ATXN3: variants seen among roughly 807,000 people sequenced by gnomAD.
The protein encoded by ATXN3 is ataxin 3, also known as ataxin-3.
Under a neutral mutation model 58.2 loss-of-function variants are expected in ATXN3, and 28 were observed. That is an observed-to-expected ratio of 0.48 (90% confidence interval 0.36 to 0.66). The LOEUF is 0.66. ATXN3 is among the 30% of genes least tolerant of loss of function. ATXN3 has a pLI of 0.00. For missense variants in ATXN3, 321 were observed against 422.1 expected (o/e 0.76, Z 2.10); for synonymous variants, 113 against 138.5 (o/e 0.82, Z 1.29).
intron 10 of ATXN3, among the ~76,000 whole-genome samples, chr14:92,065,114 A>C (rs7143616): frequency 0.28 from 43,155 of 151,994 alleles, 6,495 homozygotes; most frequent in African/African-American, 0.39. Context: ...CCACCCACCT[A>C]TCTTTTACCC....
intron 10 of ATXN3, 146 bp from the exon 11 acceptor site, chr14:92,064,560 A>G (rs1435002073): frequency 1.6e-6 from 1 of 610,972 alleles, no homozygotes; most frequent in Non-Finnish European, 2.9e-6. Context: ...TTACTTTTAT[A>G]GTTCTATATA....
chr14:92,065,093 G>C lies in ATXN3; in HGVS notation c.992-679C>G, dbSNP rs1162592738. Among the ~76,000 whole-genome samples, 3 of 152,148 alleles carry C rather than the reference G, an allele frequency of 2.0e-5. No homozygotes were observed. In the South Asian group the frequency reaches 6.2e-4, roughly 32 times the overall value. ...ATACCACAAAGATCTCCCTGCTATC[G>C]ATTTATATTCCCACCCACCTATCTT... On this transcript the variant is annotated intron_variant, in intron 10 of 10. Coordinates refer to ENST00000644486, the MANE Select transcript of ATXN3 (RefSeq NM_004993.6).
At chr14:92,053,650 C>T (rs1288320195), downstream of ATXN3, among the ~76,000 whole-genome samples, 1 of 151,922 alleles carries the variant, frequency 6.6e-6, no homozygotes, top group Non-Finnish European at 1.5e-5. Context: ...GTGCATGCCA[C>T]CATACCCAAC....
intron 1 of ATXN3, among the ~76,000 whole-genome samples, chr14:92,100,695 A>G (rs1024532559): frequency 1.3e-5 from 2 of 152,192 alleles, no homozygotes; most frequent in African/African-American, 4.8e-5. Flanking sequence ...GTCAGAATTC[A>G]GCATAGTGGT....
In ATXN3 at chr14:92,096,818, A is replaced by G. The variant is rs753009580; in HGVS notation, c.45T>C (p.Ala15=). ...FHEKQEGSLC[A]QHCLNNLLQG... ...GCAATAAGTTATTCAGGCAATGTTG[A>G]GCACAAAGTGAGCCTTCTTGCTAAT... is the stretch of plus-strand genomic sequence containing the variant. Residue 15 remains alanine (A), a synonymous_variant, in exon 2 of 11, where the codon GCT becomes GCC. Transcript: ENST00000644486. The G allele has an allele frequency of 6.2e-6, 10 of 1,613,470 alleles. No individual in the cohort carries two copies. The highest frequency in any genetic ancestry group is 8.5e-6 in the Non-Finnish European group (10 of 1,179,800).
At chr14:92,088,915 G>C in intron 5 of ATXN3, 98 bp from the exon 6 acceptor site, 1 of 690,538 alleles carries the variant, frequency 1.4e-6, no homozygotes, top group Non-Finnish European at 2.5e-6. Context: ...AGCTTAGTAA[G>C]ATTGTTTAAA....
intron 9 of ATXN3, chr14:92,073,553 C>A (rs376647564): frequency 6.6e-6 from 1 of 151,372 alleles, no homozygotes; most frequent in East Asian, 1.9e-4. Flanking sequence ...AAAATACAAA[C>A]CTTGTCTGGG....
chr14:92,069,371 C>CTTTTT (rs34755730), intron 10 of ATXN3, among the ~76,000 whole-genome samples: 4 of 92,570 alleles, frequency 4.3e-5, no homozygotes, highest in African/African-American at 1.4e-4. Context: ...GTGTCCAGCC[C>CTTTTT]TTTTTTTTTT....
chr14:92,102,296 A>T (rs747056916), intron 1 of ATXN3, among the ~76,000 whole-genome samples: 10 of 140,798 alleles, frequency 7.1e-5, no homozygotes, highest in Non-Finnish European at 9.4e-5. Flanking sequence ...GGGAATAAAT[A>T]AATTAAAAAC....
downstream of ATXN3, among the ~76,000 whole-genome samples, chr14:92,055,038 C>A (rs899136347): frequency 1.3e-5 from 2 of 152,164 alleles, no homozygotes; most frequent in African/African-American, 4.8e-5. The surrounding 1 kb of genome is among the most constrained non-coding windows in gnomAD (Gnocchi z 4.5). Context: ...TACGCCACCA[C>A]ACCCGGCTAA....
chr14:92,080,284 C>T (rs976451086), intron 9 of ATXN3, among the ~76,000 whole-genome samples: 18 of 152,090 alleles, frequency 1.2e-4, no homozygotes, highest in African/African-American at 1.9e-4. Flanking sequence ...TTTGGGAATG[C>T]GCTCCCATAC....
intron 9 of ATXN3, 177 bp from the exon 10 acceptor site, chr14:92,071,230 T>C: frequency 2.0e-6 from 2 of 1,008,244 alleles, no homozygotes; most frequent in Non-Finnish European, 3.0e-6. Context: ...ATGGAAGTGC[T>C]GATCTTAGGA....
In ATXN3 at chr14:92,061,804, A is replaced by G. The variant is rs577684465; in HGVS notation, c.*2516T>C. The G allele has an allele frequency of 6.6e-6, 1 of 152,360 alleles. No homozygotes were observed. Among genetic ancestry groups the G allele is most frequent in the Admixed American group, 6.5e-5 (1 of 15,300 alleles). The allele number at this position is 152,360 out of a possible 1,614,324, so 9.4% of individuals were successfully genotyped here. A position where few individuals can be genotyped will look rare whatever the true frequency, so the allele number is the denominator to read the frequency against. Reference sequence around the variant, plus strand: ...ATCTTTTCATACTGGCCAATCAATTAAGAAATGGAATCTAAACAGTCAATT... The same window carrying G: ...ATCTTTTCATACTGGCCAATCAATTGAGAAATGGAATCTAAACAGTCAATT... On this transcript the variant is annotated 3_prime_UTR_variant, in exon 11 of 11. Coordinates refer to ENST00000644486, the MANE Select transcript of ATXN3 (RefSeq NM_004993.6).
chr14:92,084,189 T>C (rs1472958808), intron 6 of ATXN3, among the ~76,000 whole-genome samples: 1 of 152,208 alleles, frequency 6.6e-6, no homozygotes, highest in African/African-American at 2.4e-5. Flanking sequence ...TTACCCTTCA[T>C]ATATACATCT....
rs1430803193 is a variant in ATXN3 at position 92,060,260 on chromosome 14, A to G, written c.*4060T>C. 2 of 114,558 alleles carry G rather than the reference A, an allele frequency of 1.7e-5. No individual in the cohort carries two copies. Among genetic ancestry groups the G allele is most frequent in the Non-Finnish European group, 3.7e-5 (2 of 54,116 alleles). 7.1% of individuals were successfully genotyped at this position (114,558 alleles called of 1,614,324 possible). On this transcript the variant is annotated 3_prime_UTR_variant, in exon 11 of 11. Coordinates refer to ENST00000644486, the MANE Select transcript of ATXN3 (RefSeq NM_004993.6). The stretch of plus-strand genomic sequence containing the variant: ...TATATATATACACACATATATATAT[A>G]TATATATATATTTTTTTTTTTCAGA...
intron 9 of ATXN3, among the ~76,000 whole-genome samples, chr14:92,074,784 C>G (rs2060051927): frequency 6.6e-6 from 1 of 152,196 alleles, no homozygotes; most frequent in African/African-American, 2.4e-5. Flanking sequence ...AAGTATTAGG[C>G]AATCAAACAC....
downstream of ATXN3, among the ~76,000 whole-genome samples, chr14:92,055,755 G>A (rs1045490151): frequency 3.3e-5 from 5 of 152,236 alleles, no homozygotes; most frequent in Admixed American, 1.3e-4. The surrounding 1 kb of genome is among the most constrained non-coding windows in gnomAD (Gnocchi z 4.5). Context: ...GAGCTCAGAA[G>A]TTCTAGACCA....
Position 92,079,185 on chromosome 14 carries a change from CAAAAAA to C in ATXN3, c.872+1774_872+1779del, listed in dbSNP as rs35515547. ...TGGGCAACAGAGCAAGACTCCATCTCAAAAAAAAAAAAAAAAAAAAGCAAGATTGGC... is the reference window on the plus strand; with the variant it reads ...TGGGCAACAGAGCAAGACTCCATCTCAAAAAAAAAAAAAAGCAAGATTGGC... On this transcript the variant is annotated intron_variant, in intron 9 of 10. Coordinates refer to ENST00000644486, the MANE Select transcript of ATXN3 (RefSeq NM_004993.6). Among the ~76,000 whole-genome samples the C allele has an allele frequency of 1.2e-4, 9 of 77,044 alleles. No individual in the cohort carries two copies. The South Asian group carries it at 4.0e-3, about 34-fold the overall frequency. 50.5% of individuals were successfully genotyped at this position (77,044 alleles called of 152,430 possible).
In ATXN3 at chr14:92,093,247, G is replaced by A. The variant is rs779769299; in HGVS notation, c.387+5C>T. The A allele has an allele frequency of 6.7e-7, 1 of 1,487,450 alleles. No individual in the cohort carries two copies. Among genetic ancestry groups the A allele is most frequent in the Non-Finnish European group, 9.3e-7 (1 of 1,076,870 alleles). The allele number at this position is 1,487,450 out of a possible 1,614,324, so 92.1% of individuals were successfully genotyped here. A position where few individuals can be genotyped will look rare whatever the true frequency, so the allele number is the denominator to read the frequency against. On this transcript the variant is annotated splice_donor_5th_base_variant and intron_variant, in intron 5 of 10. Coordinates refer to ENST00000644486, the MANE Select transcript of ATXN3 (RefSeq NM_004993.6). Reference sequence around the variant, plus strand: ...AAAAAGACAAGGAAGGGTAAGAAATGTTACCTGTTTTCCTAATTTTCTAAC... The same window carrying A: ...AAAAAGACAAGGAAGGGTAAGAAATATTACCTGTTTTCCTAATTTTCTAAC...
Sources: gnomAD v4.1 joint callset for allele counts (sites outside exome capture counted in the v4.1 genomes callset) on GRCh38, gnomAD v4.1.1 for gene constraint, Gnocchi (gnomAD v3.1) non-coding constraint, MANE v1.5 for transcripts, NCBI Gene and HGNC (gene_info 2026-07-23, HGNC 2026-07-21) for gene names.